The following PDE10A variants were observed in gnomAD, a reference collection of about 807,000 sequenced individuals.
PDE10A encodes phosphodiesterase 10A.
In PDE10A, 39 loss-of-function variants were observed where a neutral mutation model predicts 97.7. That is an observed-to-expected ratio of 0.40 (90% CI 0.31 to 0.52). PDE10A has a LOEUF of 0.52. PDE10A is among the 20% of genes least tolerant of loss of function. The pLI is 0.56. For synonymous variants in PDE10A, 371 were observed against 376.8 expected (o/e 0.98, Z 0.18); for missense variants, 731 against 1,047.8 (o/e 0.70, Z 4.17).
chr6:165,896,737 G>C (rs1481360957), intron 1 of PDE10A, among the ~76,000 whole-genome samples: 2 of 151,998 alleles, frequency 1.3e-5, no homozygotes, highest in Non-Finnish European at 2.9e-5. Flanking sequence ...TGTTAGCCAG[G>C]ATGGTCTCGA....
At chr6:165,934,512 T>A (rs1410673248) in intron 1 of PDE10A, among the ~76,000 whole-genome samples, 1 of 152,138 alleles carries the variant, frequency 6.6e-6, no homozygotes, top group African/African-American at 2.4e-5. Context: ...TTCTCTATAA[T>A]CTTTATTTTC....
intron 1 of PDE10A, among the ~76,000 whole-genome samples, chr6:165,958,460 A>AAAAGAAAG (rs58327980): frequency 8.5e-6 from 1 of 117,512 alleles, no homozygotes; most frequent in Admixed American, 1.0e-4. Flanking sequence ...GAGAGAAAAC[A>AAAAGAAAG]AAAGAAAGAA....
At chr6:165,746,903 A>G (rs1792856020) in intron 1 of PDE10A, among the ~76,000 whole-genome samples, 1 of 152,214 alleles carries the variant, frequency 6.6e-6, no homozygotes, top group African/African-American at 2.4e-5. Context: ...AACCCACATG[A>G]TTTTGGGATA....
intron 2 of PDE10A, among the ~76,000 whole-genome samples, chr6:165,490,758 C>T (rs1286661877): frequency 6.6e-6 from 1 of 152,138 alleles, no homozygotes; most frequent in African/African-American, 2.4e-5. Context: ...AGTTCAAGAC[C>T]AGCCTGGCCA....
At chr6:165,359,052 C>G (rs998049825) in intron 18 of PDE10A, among the ~76,000 whole-genome samples, 32 of 151,956 alleles carry the variant, frequency 2.1e-4, no homozygotes, top group African/African-American at 7.2e-4. Flanking sequence ...ATAGTCTCAT[C>G]CTTTGTGCTG....
intron 18 of PDE10A, 75 bp from the exon 19 acceptor site, chr6:165,343,577 T>C: frequency 1.9e-6 from 2 of 1,032,250 alleles, no homozygotes; most frequent in Non-Finnish European, 3.1e-6. Flanking sequence ...GACTTCTGTA[T>C]TTCAGGAGTG....
At chr6:165,385,511 T>C (rs1472681663) in intron 17 of PDE10A, among the ~76,000 whole-genome samples, 1 of 152,186 alleles carries the variant, frequency 6.6e-6, no homozygotes, top group African/African-American at 2.4e-5. Flanking sequence ...CCTTCCTCAC[T>C]CTGACGGTGA....
intron 1 of PDE10A, among the ~76,000 whole-genome samples, chr6:165,890,036 ACTCCTCC>A (rs1781746989): frequency 6.5e-5 from 1 of 15,428 alleles, no homozygotes; most frequent in East Asian, 1.6e-3. Context: ...TCCCTCCCTC[ACTCCTCC>A]CTCACTCTTC....
chr6:165,440,991 A>C (rs576293294), intron 5 of PDE10A, among the ~76,000 whole-genome samples: 108 of 152,344 alleles, frequency 7.1e-4, no homozygotes, highest in Admixed American at 2.3e-3. Flanking sequence ...AATTAAGCAA[A>C]AATTCAGTCA....
intron 1 of PDE10A, among the ~76,000 whole-genome samples, chr6:165,965,936 C>T (rs899161349): frequency 6.6e-6 from 1 of 152,198 alleles, no homozygotes; most frequent in African/African-American, 2.4e-5. Flanking sequence ...ATAAAACATT[C>T]AGTAAACTAT....
At chr6:165,898,781 C>T (rs1345321961) in intron 1 of PDE10A, among the ~76,000 whole-genome samples, 1 of 152,112 alleles carries the variant, frequency 6.6e-6, no homozygotes, top group East Asian at 1.9e-4. Context: ...GTCTGGAAGG[C>T]CTCCCAGGAC....
At chr6:165,894,702 C>G (rs1182091290) in intron 1 of PDE10A, 1 of 343,952 alleles carries the variant, frequency 2.9e-6, no homozygotes. Context: ...AGAGGGTCAC[C>G]TTTTAGGATG....
chr6:165,734,505 T>TA (rs1295757496), intron 1 of PDE10A, among the ~76,000 whole-genome samples: 5 of 152,008 alleles, frequency 3.3e-5, no homozygotes, highest in Non-Finnish European at 7.4e-5. Context: ...AACCATAATT[T>TA]AAAAAAACTT....
intron 1 of PDE10A, among the ~76,000 whole-genome samples, chr6:165,916,146 A>T (rs1035895266): frequency 6.6e-6 from 1 of 152,228 alleles, no homozygotes; most frequent in Non-Finnish European, 1.5e-5. Context: ...TCCATTTTAA[A>T]TATTCTTTTA....
At chr6:165,770,085 G>A (rs976149659) in intron 1 of PDE10A, among the ~76,000 whole-genome samples, 6 of 150,318 alleles carry the variant, frequency 4.0e-5, no homozygotes, top group African/African-American at 7.4e-5. Context: ...CCTAGCTTCC[G>A]TCTCTAGTCC....
intron 2 of PDE10A, among the ~76,000 whole-genome samples, chr6:165,499,846 A>G (rs988972648): frequency 6.6e-6 from 1 of 152,214 alleles, no homozygotes; most frequent in Non-Finnish European, 1.5e-5. Flanking sequence ...AGGCAATGCA[A>G]GACAGTGATC....
intron 1 of PDE10A, among the ~76,000 whole-genome samples, chr6:165,551,605 T>C (rs1317166589): frequency 1.3e-5 from 2 of 152,260 alleles, no homozygotes; most frequent in African/African-American, 4.8e-5. Flanking sequence ...AAGCAATAAT[T>C]AGGGTTGGAA....
At chr6:165,957,135 G>T (rs571004763) in intron 1 of PDE10A, among the ~76,000 whole-genome samples, 15 of 152,266 alleles carry the variant, frequency 9.9e-5, no homozygotes, top group Admixed American at 6.5e-4. Flanking sequence ...GAGGGTAGGG[G>T]TGAGAAATTC....
chr6:165,945,093 T>C (rs1432122603), intron 1 of PDE10A, among the ~76,000 whole-genome samples: 2 of 151,954 alleles, frequency 1.3e-5, no homozygotes, highest in Admixed American at 6.6e-5. Context: ...GAAGTGAGAG[T>C]GTGTCACTTT....
Sources: allele counts gnomAD v4.1 joint callset (sites outside exome capture counted in the v4.1 genomes callset), GRCh38; gene constraint gnomAD v4.1.1; transcripts MANE v1.5; gene names NCBI Gene and HGNC (gene_info 2026-07-23, HGNC 2026-07-21).